The following TMEM17 variants were observed in gnomAD, a reference collection of about 807,000 sequenced individuals.
TMEM17 encodes transmembrane protein 17.
Under a neutral mutation model 19.1 loss-of-function variants are expected in TMEM17, and 15 were observed. The ratio of observed to expected loss-of-function variants is 0.78; its 90% CI spans 0.52 to 1.21. TMEM17 has a LOEUF of 1.21. TMEM17 is among the 50% of genes most tolerant of loss of function. The pLI is 0.00. For missense variants in TMEM17, 245 were observed against 242.3 expected, an observed-to-expected ratio of 1.01 and a Z score of -0.07; for synonymous variants, 103 against 86.9, an observed-to-expected ratio of 1.19 and a Z score of -1.03.
the TMEM17 span, among the ~76,000 whole-genome samples, chr2:62,485,925 T>C: frequency 1.3e-5 from 2 of 152,244 alleles, no homozygotes; most frequent in African/African-American, 4.8e-5. Context: ...TTGCACGGAA[T>C]TGACCTTACA....
the TMEM17 span, among the ~76,000 whole-genome samples, chr2:62,467,272 T>G: frequency 2.3e-4 from 35 of 151,742 alleles, 2 homozygotes; most frequent in East Asian, 2.7e-3. Context: ...CTGCCCATGA[T>G]TGCAGGATCC....
intron 2 of TMEM17, 36 bp downstream of exon 2, chr2:62,502,655 C>T (rs778128839): frequency 4.6e-6 from 7 of 1,524,614 alleles, no homozygotes; most frequent in South Asian, 2.5e-5. Context: ...ACTCTAACAA[C>T]GTCAGGGCAG....
chr2:62,493,535 C>T, the TMEM17 span, among the ~76,000 whole-genome samples: 1 of 152,088 alleles, frequency 6.6e-6, no homozygotes, highest in African/African-American at 2.4e-5. Context: ...CTAGGACTAC[C>T]CAGATGTTTT....
rs1018889272 is a variant in TMEM17, at chr2:62,501,697, A to G, written c.319-210T>C. The G allele has an allele frequency of 5.6e-6, 3 of 531,078 alleles. No homozygotes were observed. The African/African-American group carries it at 5.7e-5, about 10-fold the overall frequency. The allele number at this position is 531,078 out of a possible 1,614,324, so 32.9% of individuals were successfully genotyped here. A position where few individuals can be genotyped will look rare whatever the true frequency, so the allele number is the denominator to read the frequency against. On this transcript the variant is annotated intron_variant, in intron 3 of 3. Coordinates refer to ENST00000335390, the MANE Select transcript of TMEM17 (RefSeq NM_198276.3). ...AAACAATCCTAGAATACTACACTTT[A>G]GTGAACAATTAAGTGCAATATTTAG...
At chr2:62,493,770 A>G in the TMEM17 span, among the ~76,000 whole-genome samples, 8 of 152,350 alleles carry the variant, frequency 5.3e-5, 1 homozygote, top group South Asian at 1.7e-3. Flanking sequence ...GTTTAAATAT[A>G]GATAGACCAT....
the TMEM17 span, among the ~76,000 whole-genome samples, chr2:62,494,523 C>A: frequency 2.6e-5 from 4 of 152,058 alleles, no homozygotes; most frequent in Non-Finnish European, 4.4e-5. Context: ...ATATTTTTCT[C>A]TTTTAGGCTA....
At chr2:62,498,418 AAAAAT>A (rs1391228146), downstream of TMEM17, among the ~76,000 whole-genome samples, 36 of 149,582 alleles carry the variant, frequency 2.4e-4, no homozygotes, top group African/African-American at 6.9e-4. Context: ...AGAAATAAAT[AAAAAT>A]AAAATAATTT....
the TMEM17 span, among the ~76,000 whole-genome samples, chr2:62,484,040 C>T: frequency 4.6e-5 from 7 of 152,362 alleles, no homozygotes; most frequent in Admixed American, 2.6e-4. Context: ...CTTCACTCAA[C>T]AGTTATCACC....
At chr2:62,458,170 G>C in the TMEM17 span, among the ~76,000 whole-genome samples, 2 of 152,222 alleles carry the variant, frequency 1.3e-5, no homozygotes, top group Admixed American at 1.3e-4. Flanking sequence ...AAAGGGCCAA[G>C]GTTAGAACTC....
chr2:62,505,570 G>A (rs1352271358), intron 1 of TMEM17, among the ~76,000 whole-genome samples: 1 of 139,768 alleles, frequency 7.2e-6, no homozygotes, highest in Non-Finnish European at 1.6e-5. Context: ...TGGGGGTGGG[G>A]ACGGGGGAGG....
chr2:62,498,671 C>G (rs1252914262), downstream of TMEM17, among the ~76,000 whole-genome samples: 14 of 139,232 alleles, frequency 1.0e-4, no homozygotes, highest in African/African-American at 2.4e-4. Context: ...AGCCGAGATC[C>G]CGCCACTGCA....
chr2:62,502,410 A>G, intron 3 of TMEM17, 27 bp downstream of exon 3: 8 of 1,443,986 alleles, frequency 5.5e-6, no homozygotes, highest in Non-Finnish European at 7.8e-6. Flanking sequence ...TATATCTATC[A>G]CTGAGAGAAA....
chr2:62,464,132 G>A, the TMEM17 span: 1 of 152,262 alleles, frequency 6.6e-6, no homozygotes, highest in Non-Finnish European at 1.5e-5. Context: ...GGCCACAGGT[G>A]TGGATATGAA....
the TMEM17 span, among the ~76,000 whole-genome samples, chr2:62,464,755 G>A: frequency 4.1e-4 from 63 of 152,278 alleles, no homozygotes; most frequent in African/African-American, 1.4e-3. Flanking sequence ...ATAATTTGGT[G>A]GACAGGGGTC....
At chr2:62,505,704 G>A (rs1327007444) in intron 1 of TMEM17, among the ~76,000 whole-genome samples, 2 of 152,222 alleles carry the variant, frequency 1.3e-5, no homozygotes, top group Non-Finnish European at 2.9e-5. Flanking sequence ...CAGCAAGGGC[G>A]GCTTTTATCT....
the TMEM17 span, among the ~76,000 whole-genome samples, chr2:62,458,746 C>A: frequency 6.6e-6 from 1 of 152,302 alleles, no homozygotes; most frequent in East Asian, 1.9e-4. Flanking sequence ...GGACAGCGTG[C>A]CCGTGTCTGT....
chr2:62,479,113 T>G, the TMEM17 span, among the ~76,000 whole-genome samples: 1 of 152,260 alleles, frequency 6.6e-6, no homozygotes, highest in Non-Finnish European at 1.5e-5. Context: ...AACTATATAT[T>G]ATTGTTAACT....
chr2:62,475,466 CCTGGG>C, the TMEM17 span, among the ~76,000 whole-genome samples: 1 of 152,240 alleles, frequency 6.6e-6, no homozygotes, highest in Non-Finnish European at 1.5e-5. Context: ...ACAAGTCACG[CCTGGG>C]CTGTTTTCTA....
chr2:62,467,882 CCTTTT>C, the TMEM17 span, among the ~76,000 whole-genome samples: 55 of 127,214 alleles, frequency 4.3e-4, no homozygotes, highest in African/African-American at 1.4e-3. Context: ...TGCCATCTCT[CCTTTT>C]TTTTTTTTTT....
Sources: gnomAD v4.1 joint callset for allele counts (sites outside exome capture counted in the v4.1 genomes callset) on GRCh38, gnomAD v4.1.1 for gene constraint, MANE v1.5 for transcripts, NCBI Gene and HGNC (gene_info 2026-07-23, HGNC 2026-07-21) for gene names.